The following E2F7 variants were observed in gnomAD, a reference collection of about 807,000 sequenced individuals.
E2F7 encodes transcription factor E2F7.
A neutral mutation model predicts 81.1 loss-of-function variants in E2F7; 35 were observed. The observed-to-expected ratio is 0.43, with a 90% CI of 0.33 to 0.57. The LOEUF is 0.57. Ranked by LOEUF, E2F7 falls within the 20% of genes least tolerant of loss-of-function variation. E2F7 has a pLI of 0.04. For missense variants in E2F7, 961 were observed against 1,093.7 expected (o/e 0.88, Z 1.71); for synonymous variants, 416 against 416.2 (o/e 1.00, Z 0.01).
At chr12:77,044,987 T>C (rs1954926877) in intron 5 of E2F7, among the ~76,000 whole-genome samples, 192 bp from the exon 6 acceptor site, 1 of 152,222 alleles carries the variant, frequency 6.6e-6, no homozygotes, top group South Asian at 2.1e-4. Flanking sequence ...TTGTGGCTTG[T>C]AAAATTACTC....
intron 7 of E2F7, among the ~76,000 whole-genome samples, chr12:77,034,944 T>C (rs893023189): frequency 2.6e-5 from 4 of 152,108 alleles, no homozygotes; most frequent in Admixed American, 1.3e-4. Context: ...AAATCAGAAA[T>C]TACGAAATCA....
intron 7 of E2F7, among the ~76,000 whole-genome samples, chr12:77,036,773 G>A (rs1201941474): frequency 5.4e-5 from 8 of 148,190 alleles, no homozygotes; most frequent in African/African-American, 1.2e-4. Context: ...ACAGAGTCTC[G>A]CTCTGTCGCC....
At chr12:77,062,074 G>T (rs1180958601) in intron 2 of E2F7, among the ~76,000 whole-genome samples, 1 of 152,018 alleles carries the variant, frequency 6.6e-6, no homozygotes, top group Non-Finnish European at 1.5e-5. Context: ...CTGGGCCCCT[G>T]AAAGTCTCCC....
At chr12:77,051,346 G>C (rs1367016596) in intron 3 of E2F7, among the ~76,000 whole-genome samples, 2 of 152,152 alleles carry the variant, frequency 1.3e-5, no homozygotes, top group South Asian at 2.1e-4. Flanking sequence ...AAAGTAAAAG[G>C]CTTTTCAACA....
intron 3 of E2F7, among the ~76,000 whole-genome samples, chr12:77,055,032 A>G (rs928233846): frequency 6.6e-6 from 1 of 152,110 alleles, no homozygotes; most frequent in African/African-American, 2.4e-5. Flanking sequence ...GCCCAGACTT[A>G]AAAAAAGGAA....
intron 4 of E2F7, among the ~76,000 whole-genome samples, chr12:77,048,539 T>C (rs1954961569): frequency 1.3e-5 from 2 of 152,174 alleles, no homozygotes; most frequent in Non-Finnish European, 2.9e-5. Flanking sequence ...CAATGCAATT[T>C]GAATGCTCTG....
At chr12:77,024,600 GCTCTTT>G (rs1285377447) in intron 12 of E2F7, among the ~76,000 whole-genome samples, 2 of 152,146 alleles carry the variant, frequency 1.3e-5, no homozygotes, top group African/African-American at 4.8e-5. Context: ...TTGTGTGTTG[GCTCTTT>G]CTCTTTACTT....
intron 2 of E2F7, among the ~76,000 whole-genome samples, chr12:77,059,486 A>C (rs902143110): frequency 6.6e-6 from 1 of 152,208 alleles, no homozygotes; most frequent in Non-Finnish European, 1.5e-5. Context: ...TCTATCTCCA[A>C]GGTTTTCTAG....
At chr12:77,061,775 C>A (rs1373619449) in intron 2 of E2F7, among the ~76,000 whole-genome samples, 1 of 152,186 alleles carries the variant, frequency 6.6e-6, no homozygotes, top group Non-Finnish European at 1.5e-5. Flanking sequence ...CAAGAAGGAT[C>A]AACTCAGCAC....
At chr12:77,046,598 A>G (rs546675630) in intron 4 of E2F7, among the ~76,000 whole-genome samples, 1 of 152,360 alleles carries the variant, frequency 6.6e-6, no homozygotes, top group Admixed American at 6.5e-5. Flanking sequence ...CAAACAGTAC[A>G]GCAACTGCTC....
intron 3 of E2F7, among the ~76,000 whole-genome samples, chr12:77,051,390 C>A (rs967178086): frequency 1.3e-5 from 2 of 151,888 alleles, no homozygotes; most frequent in Admixed American, 1.3e-4. Context: ...ATAATTATTT[C>A]TACAGATTCA....
chr12:77,027,740 G>T, intron 11 of E2F7, 143 bp downstream of exon 11: 2 of 1,114,228 alleles, frequency 1.8e-6, no homozygotes, highest in South Asian at 1.7e-5. Context: ...ATTTATAGAT[G>T]GAGAAAACAA....
In E2F7 at chr12:77,025,705, C is replaced by T. The variant is rs372954750; in HGVS notation, c.2418G>A (p.Ser806=). ...GAGGGTCTGCAGAAGGGAGTGTGGA[C>T]GACTTTGGATTAACCACAGCTGTGG... ...VGPTAVVNPK[S]STLPSADPQL... Residue 806 remains serine (S), a synonymous_variant, in exon 12 of 13, where the codon TCG becomes TCA. Coordinates refer to ENST00000322886, the MANE Select transcript of E2F7 (RefSeq NM_203394.3). The T allele has an allele frequency of 2.2e-5, 36 of 1,613,972 alleles. No individual in the cohort carries two copies. Among genetic ancestry groups the T allele is most frequent in the Middle Eastern group, 1.6e-4 (1 of 6,084 alleles).
At chr12:77,032,129 C>T (rs1185627736) in intron 9 of E2F7, among the ~76,000 whole-genome samples, 1 of 152,206 alleles carries the variant, frequency 6.6e-6, no homozygotes, top group Non-Finnish European at 1.5e-5. Flanking sequence ...ACTACAAATG[C>T]TCTGTTCTGT....
At position 77,027,934 on chromosome 12, in the gene E2F7, T is replaced by C; in HGVS notation, c.2089A>G (p.Ser697Gly). 6.2e-7 allele frequency: 1 copy of C among 1,614,228 alleles called. No individual in the cohort carries two copies. The highest frequency in any genetic ancestry group is 8.5e-7 in the Non-Finnish European group (1 of 1,180,040). Residue 697 changes from serine to glycine, a missense_variant, in exon 11 of 13, where the codon AGC (serine) becomes GGC (glycine). By Grantham distance (56) the Ser-to-Gly change is moderately conservative. Transcript: ENST00000322886. The stretch of plus-strand genomic sequence containing the variant: ...TGTAGCAAAGAAGGCTCTTTGGTGC[T>C]TTCATTTTCTTTTGAAGGCTTTTCA... ...DVEKPSKENE[S>G]TKEPSLLQYL...
At chr12:77,061,275 C>T (rs989315367) in intron 2 of E2F7, among the ~76,000 whole-genome samples, 1 of 152,210 alleles carries the variant, frequency 6.6e-6, no homozygotes, top group African/African-American at 2.4e-5. Context: ...CTATAAACCA[C>T]ACAGGTACAA....
At chr12:77,037,089 GCAAGGGCA>G (rs1954857661) in intron 7 of E2F7, among the ~76,000 whole-genome samples, 2 of 152,112 alleles carry the variant, frequency 1.3e-5, no homozygotes, top group South Asian at 4.1e-4. Flanking sequence ...TTTTTCAAAA[GCAAGGGCA>G]CAATAAAGAC....
rs1954826130 is a variant in E2F7, at chr12:77,033,869, T to C, written c.1297A>G (p.Arg433Gly). The C allele has an allele frequency of 6.2e-7, 1 of 1,609,342 alleles. No homozygotes were observed. The highest frequency in any genetic ancestry group is 1.3e-5 in the African/African-American group (1 of 74,526). Residue 433 changes from arginine to glycine, a missense_variant, in exon 8 of 13, where the codon AGA becomes GGA. Physicochemically the swap from Arg to Gly is moderately radical, Grantham distance 125 (BLOSUM62 -2). This residue lies in a region of E2F7 where 587 missense variants were observed against 620.3 expected (regional missense o/e 0.95). Coordinates refer to ENST00000322886, the MANE Select transcript of E2F7 (RefSeq NM_203394.3). ...CAAGGGCAGATACCTTGTTCTTCTC[T>C]GTACGGGCTGCTCGGTTCTGAGTTC... is the stretch of plus-strand genomic sequence containing the variant. Reference protein sequence around the residue: ...KVNSEPSSPYREEQGSGGYSL... With the variant: ...KVNSEPSSPYGEEQGSGGYSL...
Position 77,045,903 on chromosome 12 carries a change from T to G in E2F7, c.829+135A>C, listed in dbSNP as rs1478475652. ...TTGGGGAGCCATCTGCTTCTCTTTC[T>G]TCAGTGAGGAGAATAAGAGAACATC... is the stretch of plus-strand genomic sequence containing the variant. On this transcript the variant is annotated intron_variant, in intron 5 of 12. Coordinates refer to ENST00000322886, the MANE Select transcript of E2F7 (RefSeq NM_203394.3). 7.7e-6 allele frequency: 9 copies of G among 1,161,720 alleles called. No homozygotes were observed. The Admixed American group carries it at 1.4e-4, about 17-fold the overall frequency. The allele number at this position is 1,161,720 out of a possible 1,614,324, so 72.0% of individuals were successfully genotyped here. A position where few individuals can be genotyped will look rare whatever the true frequency, so the allele number is the denominator to read the frequency against.
Sources: gnomAD v4.1 joint callset for allele counts (sites outside exome capture counted in the v4.1 genomes callset) on GRCh38, gnomAD v4.1.1 for gene constraint, gnomAD v4.1.1 regional missense constraint, MANE v1.5 for transcripts, NCBI Gene and HGNC (gene_info 2026-07-23, HGNC 2026-07-21) for gene names.